APBB2: variants seen among roughly 807,000 people sequenced by gnomAD.
APBB2 encodes the protein Fe65-like 1.
In APBB2, 38 loss-of-function variants were observed where a neutral mutation model predicts 82.5. That is an observed-to-expected ratio of 0.46 (90% CI 0.36 to 0.60). The LOEUF (loss-of-function observed/expected upper bound fraction) is 0.60. Ranked by LOEUF, APBB2 falls within the 20% of genes least tolerant of loss-of-function variation. The pLI is 0.00. For missense variants in APBB2, 772 were observed against 972.3 expected, an observed-to-expected ratio of 0.79 and a Z score of 2.74; for synonymous variants, 341 against 368.2, an observed-to-expected ratio of 0.93 and a Z score of 0.85.
At chr4:41,052,403 T>C (rs1161265284) in intron 4 of APBB2, among the ~76,000 whole-genome samples, 1 of 152,186 alleles carries the variant, frequency 6.6e-6, no homozygotes, top group Non-Finnish European at 1.5e-5. Flanking sequence ...CCTCACTCTA[T>C]ACTGAAGTTA....
At chr4:40,897,110 G>T (rs185469025) in intron 10 of APBB2, among the ~76,000 whole-genome samples, 130 of 152,320 alleles carry the variant, frequency 8.5e-4, no homozygotes, top group Non-Finnish European at 1.2e-4. Flanking sequence ...TGGAATCCAA[G>T]ATGACAAATA....
Position 41,194,520 on chromosome 4 carries a change from C to T in APBB2, c.-417+19885G>A. Among the ~76,000 whole-genome samples, 6 of 152,194 alleles carry T rather than the reference C, an allele frequency of 3.9e-5. No individual in the cohort carries two copies. In the East Asian group the frequency reaches 1.2e-3, roughly 29 times the overall value. On this transcript the variant is annotated intron_variant, in intron 1 of 17. Transcript: ENST00000508593. Reference sequence around the variant, plus strand: ...CAAGATGGCAAAACCCTGTCTCTACCAAAAATACAAAAATTAGCCGGGCAT... The same window carrying T: ...CAAGATGGCAAAACCCTGTCTCTACTAAAAATACAAAAATTAGCCGGGCAT...
intron 17 of APBB2, among the ~76,000 whole-genome samples, chr4:40,819,834 A>T (rs926923173): frequency 1.3e-5 from 2 of 152,064 alleles, no homozygotes; most frequent in Non-Finnish European, 1.5e-5. Flanking sequence ...TTTTTTTGAG[A>T]CAGGGTCTCG....
At chr4:41,041,658 A>G (rs1721546284) in intron 4 of APBB2, among the ~76,000 whole-genome samples, 1 of 152,196 alleles carries the variant, frequency 6.6e-6, no homozygotes, top group African/African-American at 2.4e-5. Context: ...TCCTATCACC[A>G]ATTTCTTTAT....
chr4:40,851,748 T>A lies in APBB2; in HGVS notation c.1530-21171A>T, dbSNP rs921924392. Among the ~76,000 whole-genome samples the A allele has an allele frequency of 4.4e-4, 59 of 134,128 alleles. 1 individual carries two copies. Among genetic ancestry groups the A allele is most frequent in the Admixed American group, 1.3e-3 (18 of 13,950 alleles). 88.0% of individuals were successfully genotyped at this position (134,128 alleles called of 152,430 possible). A position where few individuals can be genotyped will look rare whatever the true frequency, so the allele number is the denominator to read the frequency against. ...TATATATATATATATATTTTTTTTT[T>A]TTTTTTTTTTCAAAACCAAACCAAA... On this transcript the variant is annotated intron_variant, in intron 12 of 17. Coordinates refer to ENST00000508593, the MANE Select transcript of APBB2 (RefSeq NM_004307.2).
chr4:40,837,597 C>T (rs996274221), intron 12 of APBB2, among the ~76,000 whole-genome samples: 6 of 152,212 alleles, frequency 3.9e-5, no homozygotes, highest in Non-Finnish European at 8.8e-5. Flanking sequence ...TCATCAGACA[C>T]GATCTGTCTG....
At chr4:40,875,868 T>C (rs1429718992) in intron 12 of APBB2, among the ~76,000 whole-genome samples, 16 of 152,224 alleles carry the variant, frequency 1.1e-4, no homozygotes, top group African/African-American at 3.9e-4. Context: ...CAGTTTTGTA[T>C]CCACCTTAGT....
intron 6 of APBB2, among the ~76,000 whole-genome samples, chr4:40,973,906 C>T (rs1442740922): frequency 6.7e-6 from 1 of 150,358 alleles, no homozygotes; most frequent in Non-Finnish European, 1.5e-5. Flanking sequence ...GGTTGGAGTG[C>T]AGTGGCGCGA....
At chr4:40,932,325 T>A (rs914717750) in intron 10 of APBB2, among the ~76,000 whole-genome samples, 1 of 152,228 alleles carries the variant, frequency 6.6e-6, no homozygotes, top group Non-Finnish European at 1.5e-5. Flanking sequence ...CCAGCAATGT[T>A]AGAAGCAGCC....
At chr4:40,984,975 G>A (rs1020881793) in intron 6 of APBB2, among the ~76,000 whole-genome samples, 5 of 151,834 alleles carry the variant, frequency 3.3e-5, no homozygotes, top group Admixed American at 1.3e-4. Flanking sequence ...AGGCTGTAGT[G>A]CAGTGGTGTG....
rs747730295 is a variant in APBB2, at chr4:41,013,869, A to G, written c.549T>C (p.His183=). 3.7e-6 allele frequency: 6 copies of G among 1,614,060 alleles called. No individual in the cohort carries two copies. The highest frequency in any genetic ancestry group is 1.3e-5 in the African/African-American group (1 of 74,908). The change falls in exon 6 of 18, where the codon CAT becomes CAC. Residue 183 remains histidine, a synonymous_variant. Coordinates refer to ENST00000508593, the MANE Select transcript of APBB2 (RefSeq NM_004307.2). ...GCTGGGATTTCTCTTCCGCAGTCCC[A>G]TGGTGATTGCCTCGGTTCTGCTCTA... ...RELEQNRGNH[H]GTAEEKSQPV...
intron 1 of APBB2, among the ~76,000 whole-genome samples, chr4:41,184,424 C>T (rs1015715402): frequency 1.3e-5 from 2 of 152,194 alleles, no homozygotes; most frequent in Non-Finnish European, 2.9e-5. Context: ...ACACTGGCCC[C>T]CTTATTGTTC....
At chr4:41,130,482 G>A (rs1194072539) in intron 2 of APBB2, among the ~76,000 whole-genome samples, 1 of 152,038 alleles carries the variant, frequency 6.6e-6, no homozygotes, top group African/African-American at 2.4e-5. Context: ...TCTCAACAGA[G>A]GAATCCTGTT....
intron 4 of APBB2, among the ~76,000 whole-genome samples, chr4:41,059,865 G>A (rs552521096): frequency 4.6e-5 from 7 of 151,990 alleles, no homozygotes; most frequent in East Asian, 1.9e-4. Context: ...CTCTAGTGCC[G>A]CTGGGTTAGA....
intron 3 of APBB2, among the ~76,000 whole-genome samples, chr4:41,080,628 G>C (rs1441553157): frequency 6.6e-6 from 1 of 151,110 alleles, no homozygotes; most frequent in Admixed American, 6.6e-5. Flanking sequence ...CAATCCCTCA[G>C]TCACAAAAGT....
In APBB2 at chr4:40,872,344, G is replaced by A. The variant is rs144140225; in HGVS notation, c.1529+18020C>T. Reference sequence around the variant, plus strand: ...TAACCTAGCCTGTGCTGAAGGACACGAACGGTGACAGAAAGGCTAACAGAA... The same window carrying A: ...TAACCTAGCCTGTGCTGAAGGACACAAACGGTGACAGAAAGGCTAACAGAA... On this transcript the variant is annotated intron_variant, in intron 12 of 17. Coordinates refer to ENST00000508593, the MANE Select transcript of APBB2 (RefSeq NM_004307.2). Among the ~76,000 whole-genome samples, 335 of 152,296 alleles carry A rather than the reference G, an allele frequency of 2.2e-3. 2 individuals are homozygous for A. Among genetic ancestry groups the A allele is most frequent in the African/African-American group, 7.6e-3 (314 of 41,566 alleles).
intron 6 of APBB2, among the ~76,000 whole-genome samples, chr4:40,978,854 T>C (rs1797808894): frequency 6.6e-6 from 1 of 152,096 alleles, no homozygotes; most frequent in African/African-American, 2.4e-5. Context: ...TTCAATACAA[T>C]TACGGGAAAC....
At chr4:40,969,934 A>G (rs999288939) in intron 6 of APBB2, among the ~76,000 whole-genome samples, 2 of 152,248 alleles carry the variant, frequency 1.3e-5, no homozygotes, top group African/African-American at 4.8e-5. Flanking sequence ...ACATATAATG[A>G]TAACACATAC....
chr4:41,004,836 CAAAAAAAAAAA>C (rs34941899), intron 6 of APBB2, among the ~76,000 whole-genome samples: 3 of 49,258 alleles, frequency 6.1e-5, no homozygotes, highest in Non-Finnish European at 1.0e-4. Flanking sequence ...GACCCCATCT[CAAAAAAAAAAA>C]AAAAAAAAAA....
Sources: allele counts gnomAD v4.1 joint callset (sites outside exome capture counted in the v4.1 genomes callset), GRCh38; gene constraint gnomAD v4.1.1; transcripts MANE v1.5; gene names NCBI Gene and HGNC (gene_info 2026-07-23, HGNC 2026-07-21).